KSR2: variants seen among roughly 807,000 people sequenced by gnomAD.
The protein encoded by KSR2 is kinase suppressor of ras 2.
KSR2 carries 25 observed loss-of-function variants against 107.8 expected under a neutral mutation model. The ratio of observed to expected loss-of-function variants is 0.23; its 90% CI spans 0.17 to 0.32. The LOEUF is 0.32. Among genes scored for constraint, KSR2 ranks in the 10% least tolerant of loss-of-function variants. The probability of loss-of-function intolerance (pLI) is 1.00; values close to 1 mark genes in which losing one functional copy is unlikely to be tolerated. For missense variants in KSR2, 887 were observed against 1,268.9 expected (o/e 0.70, Z 4.57); for synonymous variants, 480 against 507.0 (o/e 0.95, Z 0.71).
intron 1 of KSR2, among the ~76,000 whole-genome samples, chr12:117,949,344 A>G (rs1896292442): frequency 6.6e-6 from 1 of 152,110 alleles, no homozygotes; most frequent in South Asian, 2.1e-4. Context: ...GGGAGAAAAT[A>G]TTTGCAACTC....
chr12:117,599,474 C>T (rs939664048), intron 5 of KSR2, among the ~76,000 whole-genome samples: 1 of 152,094 alleles, frequency 6.6e-6, no homozygotes, highest in Non-Finnish European at 1.5e-5. Flanking sequence ...TGGCACTCCT[C>T]TTGGGACTGA....
At chr12:117,635,399 G>A (rs1055203540) in intron 5 of KSR2, among the ~76,000 whole-genome samples, 2 of 151,962 alleles carry the variant, frequency 1.3e-5, no homozygotes, top group African/African-American at 2.4e-5. Context: ...ATAAATAGAA[G>A]ACATTAACTG....
intron 7 of KSR2, among the ~76,000 whole-genome samples, chr12:117,577,169 C>G (rs977232141): frequency 1.3e-5 from 2 of 152,146 alleles, no homozygotes; most frequent in East Asian, 1.9e-4. Context: ...AAATGAGAGG[C>G]CTCTGCCTGG....
intron 10 of KSR2, among the ~76,000 whole-genome samples, chr12:117,536,869 T>C (rs1397381427): frequency 6.6e-6 from 1 of 152,268 alleles, no homozygotes; most frequent in Non-Finnish European, 1.5e-5. Context: ...CAAGCGTTTC[T>C]GTATATAAAG....
chr12:117,735,543 CTA>C (rs1887905257), intron 4 of KSR2, among the ~76,000 whole-genome samples: 1 of 152,210 alleles, frequency 6.6e-6, no homozygotes, highest in Non-Finnish European at 1.5e-5. Flanking sequence ...ATCCCTGAGA[CTA>C]ATTCTAATGC....
At chr12:117,893,186 T>A (rs929815416) in intron 1 of KSR2, among the ~76,000 whole-genome samples, 7 of 151,938 alleles carry the variant, frequency 4.6e-5, no homozygotes, top group Non-Finnish European at 1.0e-4. Context: ...TCCGGCTAAG[T>A]TTTGTATTTT....
intron 1 of KSR2, among the ~76,000 whole-genome samples, chr12:117,938,225 G>A (rs1053180228): frequency 2.0e-5 from 3 of 152,118 alleles, no homozygotes; most frequent in African/African-American, 7.2e-5. Context: ...GGTGCCTGAC[G>A]TGCAACACAT....
chr12:117,931,838 G>C (rs1172954222), intron 1 of KSR2, among the ~76,000 whole-genome samples: 4 of 152,188 alleles, frequency 2.6e-5, no homozygotes, highest in African/African-American at 9.7e-5. Context: ...GTCACATACA[G>C]GACACTGAGC....
chr12:117,901,082 C>T (rs767895023), intron 1 of KSR2, among the ~76,000 whole-genome samples: 4 of 152,168 alleles, frequency 2.6e-5, no homozygotes, highest in Non-Finnish European at 4.4e-5. Flanking sequence ...GTGACAAACG[C>T]TCATGAATGA....
At chr12:117,672,101 C>G (rs927540984) in intron 4 of KSR2, among the ~76,000 whole-genome samples, 2 of 152,142 alleles carry the variant, frequency 1.3e-5, no homozygotes, top group African/African-American at 4.8e-5. Context: ...GCAGCACATA[C>G]TGGCGGACTC....
At chr12:117,468,634 G>A (rs1483721039) in intron 19 of KSR2, among the ~76,000 whole-genome samples, 1 of 152,214 alleles carries the variant, frequency 6.6e-6, no homozygotes, top group Non-Finnish European at 1.5e-5. Flanking sequence ...CACGCACACA[G>A]GTGGGAGTAT....
In KSR2 at chr12:117,525,175, G is replaced by C. The variant is rs370589065; in HGVS notation, c.1896C>G (p.Phe632Leu). Residue 632 changes from phenylalanine to leucine, a missense_variant, in exon 14 of 20, where the codon TTC becomes TTG. By Grantham distance (22) the Phe-to-Leu change is conservative. This residue lies in a region of KSR2 where 308 missense variants were observed against 506.2 expected (regional missense o/e 0.61). Transcript: ENST00000339824. Reference sequence around the variant, plus strand: ...AGAGGAGGGACAGGTTCATCTCCTCGAAGTCATCCTCTGACTCTTCGGCCT... The same window carrying C: ...AGAGGAGGGACAGGTTCATCTCCTCCAAGTCATCCTCTGACTCTTCGGCCT... ...HDEAEESEDD[F>L]EEMNLSLLSA... is the part of the protein sequence containing the mutation. The C allele has an allele frequency of 2.1e-5, 34 of 1,613,240 alleles. No homozygotes were observed. The highest frequency in any genetic ancestry group is 2.8e-5 in the Non-Finnish European group (33 of 1,179,522).
chr12:117,467,493 T>C (rs1871209007), intron 19 of KSR2, among the ~76,000 whole-genome samples: 1 of 152,226 alleles, frequency 6.6e-6, no homozygotes, highest in South Asian at 2.1e-4. Context: ...AATCATACAA[T>C]TTCACAGATG....
At chr12:117,557,257 G>A (rs898082625) in intron 8 of KSR2, among the ~76,000 whole-genome samples, 1 of 152,174 alleles carries the variant, frequency 6.6e-6, no homozygotes, top group Non-Finnish European at 1.5e-5. Flanking sequence ...TGGCAATGTA[G>A]GTCCACATAG....
At chr12:117,834,713 A>C (rs752033053) in intron 3 of KSR2, among the ~76,000 whole-genome samples, 2 of 152,186 alleles carry the variant, frequency 1.3e-5, no homozygotes, top group Admixed American at 1.3e-4. Context: ...AATGAGAATC[A>C]TACTAATAGT....
intron 14 of KSR2, among the ~76,000 whole-genome samples, chr12:117,505,435 C>T (rs1873619647): frequency 8.2e-6 from 1 of 121,400 alleles, no homozygotes; most frequent in Non-Finnish European, 1.7e-5. Flanking sequence ...ATCAGATCAC[C>T]CCAGCCTCTT....
intron 1 of KSR2, among the ~76,000 whole-genome samples, chr12:117,866,038 C>CTTTTTTTTTTTTT (rs397838492): frequency 1.6e-5 from 2 of 124,236 alleles, no homozygotes; most frequent in African/African-American, 6.0e-5. Flanking sequence ...TAATCTCTCT[C>CTTTTTTTTTTTTT]TTTTTTTTTT....
intron 4 of KSR2, among the ~76,000 whole-genome samples, chr12:117,740,465 AT>A (rs5801252): frequency 0.39 from 47,308 of 120,350 alleles, 11,573 homozygotes; most frequent in East Asian, 0.45. Flanking sequence ...TACATATATT[AT>A]ATGTAATATA....
chr12:117,951,228 G>A (rs1015301803), intron 1 of KSR2, among the ~76,000 whole-genome samples: 1 of 152,138 alleles, frequency 6.6e-6, no homozygotes, highest in Admixed American at 6.6e-5. Context: ...GTTCTTCTAA[G>A]AGGGCTTTAT....
Sources: gnomAD v4.1 joint callset for allele counts (sites outside exome capture counted in the v4.1 genomes callset) on GRCh38, gnomAD v4.1.1 for gene constraint, gnomAD v4.1.1 regional missense constraint, MANE v1.5 for transcripts, NCBI Gene and HGNC (gene_info 2026-07-23, HGNC 2026-07-21) for gene names.